Variants in WWOX observed in about 807,000 individuals in gnomAD.
WWOX encodes WW domain containing oxidoreductase.
Under a neutral mutation model 46.2 loss-of-function variants are expected in WWOX, and 69 were observed. The observed-to-expected ratio is 1.49, with a 90% CI of 1.23 to 1.82. The LOEUF (loss-of-function observed/expected upper bound fraction) is 1.82, where lower values mean the gene tolerates loss of function less well. Ranked by LOEUF, WWOX falls within the 40% of genes most tolerant of loss-of-function variation. The pLI is 0.00. For missense variants in WWOX, 919 were observed against 542.6 expected (o/e 1.69, Z -6.89); for synonymous variants, 359 against 202.6 (o/e 1.77, Z -6.56).
At chr16:78,162,122 C>T (rs1201048086) in intron 4 of WWOX, among the ~76,000 whole-genome samples, 8 of 152,104 alleles carry the variant, frequency 5.3e-5, no homozygotes, top group East Asian at 3.9e-4. Context: ...TGGGTCTATA[C>T]GTGACACTAG....
At chr16:78,317,944 C>T (rs187441964) in intron 5 of WWOX, among the ~76,000 whole-genome samples, 1 of 152,322 alleles carries the variant, frequency 6.6e-6, no homozygotes, top group East Asian at 1.9e-4. Context: ...ATTTCTTTTT[C>T]AGCCTGGGTT....
chr16:78,593,620 CAGG>C (rs2045403151), intron 8 of WWOX, among the ~76,000 whole-genome samples: 1 of 152,040 alleles, frequency 6.6e-6, no homozygotes, highest in Admixed American at 6.6e-5. Flanking sequence ...CCACAGTTGA[CAGG>C]GGGAGGTATT....
At chr16:78,761,842 T>C (rs2049802759) in intron 8 of WWOX, among the ~76,000 whole-genome samples, 1 of 152,158 alleles carries the variant, frequency 6.6e-6, no homozygotes, top group Admixed American at 6.5e-5. Flanking sequence ...TGACCCGACA[T>C]AGACTAACTT....
intron 8 of WWOX, among the ~76,000 whole-genome samples, chr16:78,709,758 T>C (rs1367337309): frequency 1.3e-5 from 2 of 150,194 alleles, no homozygotes; most frequent in African/African-American, 4.9e-5. Context: ...TGTGATAATC[T>C]CTCTCTGTCA....
intron 8 of WWOX, among the ~76,000 whole-genome samples, chr16:78,731,928 G>C (rs143091950): frequency 3.5e-4 from 52 of 147,240 alleles, no homozygotes; most frequent in African/African-American, 1.3e-3. Flanking sequence ...GCTCTTTGCA[G>C]CCTTGAACTC....
At chr16:79,075,842 A>C (rs2048645967) in intron 8 of WWOX, among the ~76,000 whole-genome samples, 1 of 152,168 alleles carries the variant, frequency 6.6e-6, no homozygotes, top group Non-Finnish European at 1.5e-5. Flanking sequence ...TTCCCTTATA[A>C]CTATCTCAAA....
intron 8 of WWOX, among the ~76,000 whole-genome samples, chr16:79,022,135 C>T (rs2047546294): frequency 6.6e-6 from 1 of 152,130 alleles, no homozygotes; most frequent in African/African-American, 2.4e-5. Context: ...TGAAACAGGC[C>T]AGAAAGCACC....
chr16:79,041,856 C>G (rs759964707), intron 8 of WWOX, among the ~76,000 whole-genome samples: 3 of 152,104 alleles, frequency 2.0e-5, no homozygotes, highest in Admixed American at 6.5e-5. Flanking sequence ...CATTCAACCT[C>G]TGCTTGCTCT....
At chr16:79,061,586 G>C (rs181477108) in intron 8 of WWOX, among the ~76,000 whole-genome samples, 3 of 152,288 alleles carry the variant, frequency 2.0e-5, no homozygotes, top group African/African-American at 7.2e-5. Flanking sequence ...GAGACACTGG[G>C]ACAGAGAACA....
intron 8 of WWOX, among the ~76,000 whole-genome samples, chr16:78,962,321 TTTTTTAAAAA>T (rs1168887229): frequency 4.3e-5 from 4 of 93,038 alleles, no homozygotes; most frequent in African/African-American, 2.0e-4. Context: ...TTTTTTTTTT[TTTTTTAAAAA>T]AAAAAAAAAA....
At chr16:78,545,297 C>G (rs561292936) in intron 8 of WWOX, among the ~76,000 whole-genome samples, 1 of 152,286 alleles carries the variant, frequency 6.6e-6, no homozygotes, top group South Asian at 2.1e-4. Context: ...ATCTCTGCTT[C>G]TGAGGAAATG....
chr16:78,200,109 G>A (rs949973042), intron 5 of WWOX, among the ~76,000 whole-genome samples: 3 of 152,248 alleles, frequency 2.0e-5, no homozygotes, highest in Admixed American at 6.5e-5. Context: ...TTAAGTTACT[G>A]AGTGTCGCCA....
chr16:79,084,829 G>A (rs1369420789), intron 8 of WWOX, among the ~76,000 whole-genome samples: 4 of 152,180 alleles, frequency 2.6e-5, no homozygotes, highest in Non-Finnish European at 5.9e-5. Context: ...AGTAGGACAT[G>A]TATTCATTTA....
At chr16:78,332,921 T>G (rs2080794310) in intron 5 of WWOX, among the ~76,000 whole-genome samples, 1 of 152,160 alleles carries the variant, frequency 6.6e-6, no homozygotes, top group African/African-American at 2.4e-5. Flanking sequence ...GCTTATAATC[T>G]TAACTATAAT....
intron 8 of WWOX, among the ~76,000 whole-genome samples, chr16:79,152,187 C>T (rs562264196): frequency 3.3e-4 from 51 of 152,310 alleles, no homozygotes; most frequent in African/African-American, 1.2e-3. Flanking sequence ...CCCTCCCCCA[C>T]GCGAGGCGAG....
At chr16:78,444,059 A>C (rs1156354656) in intron 8 of WWOX, among the ~76,000 whole-genome samples, 2 of 152,168 alleles carry the variant, frequency 1.3e-5, no homozygotes, top group Non-Finnish European at 2.9e-5. Flanking sequence ...TTCCTAGCAA[A>C]AACAAAGAGG....
intron 5 of WWOX, chr16:78,270,679 G>A (rs2079459639): frequency 1.3e-5 from 2 of 152,156 alleles, no homozygotes; most frequent in Non-Finnish European, 2.9e-5. Flanking sequence ...TAACTTACAA[G>A]GAAGAGGGTG....
intron 8 of WWOX, among the ~76,000 whole-genome samples, chr16:78,522,650 C>G (rs1202022402): frequency 6.6e-6 from 1 of 152,218 alleles, no homozygotes; most frequent in African/African-American, 2.4e-5. Flanking sequence ...TATAGCAACA[C>G]TAATAAGTAA....
chr16:78,880,306 T>G (rs773403851), intron 8 of WWOX, among the ~76,000 whole-genome samples: 3 of 152,250 alleles, frequency 2.0e-5, no homozygotes, highest in Non-Finnish European at 2.9e-5. Flanking sequence ...TACTTCACTC[T>G]AATGCTTTCA....
Sources: gnomAD v4.1 joint callset for allele counts (sites outside exome capture counted in the v4.1 genomes callset) on GRCh38, gnomAD v4.1.1 for gene constraint, MANE v1.5 for transcripts, NCBI Gene and HGNC (gene_info 2026-07-23, HGNC 2026-07-21) for gene names.